NUDT3: variants seen among roughly 807,000 people sequenced by gnomAD.
NUDT3 encodes nudix hydrolase 3, also known as diphosphoinositol polyphosphate phosphohydrolase 1.
A neutral mutation model predicts 23.6 loss-of-function variants in NUDT3; 9 were observed. That is an observed-to-expected ratio of 0.38 (90% CI 0.23 to 0.66). The LOEUF (loss-of-function observed/expected upper bound fraction) is 0.66, where lower values mean the gene tolerates loss of function less well. Ranked by LOEUF, NUDT3 falls within the 30% of genes least tolerant of loss-of-function variation. The pLI is 0.52. For missense variants in NUDT3, 172 were observed against 218.5 expected (o/e 0.79, Z 1.34); for synonymous variants, 86 against 82.6 (o/e 1.04, Z -0.22).
chr6:34,308,627 T>A (rs200628205), intron 2 of NUDT3, among the ~76,000 whole-genome samples: 1 of 151,986 alleles, frequency 6.6e-6, no homozygotes, highest in Non-Finnish European at 1.5e-5. Flanking sequence ...ACTAATCAAA[T>A]GCAAGCAGGA....
chr6:34,351,215 A>AAAAAAAC (rs1764466725), intron 1 of NUDT3, among the ~76,000 whole-genome samples: 4 of 136,870 alleles, frequency 2.9e-5, no homozygotes, highest in Non-Finnish European at 6.3e-5. Context: ...AAAAAAAAAA[A>AAAAAAAC]AAAAAAAAAA....
chr6:34,364,813 C>T (rs1764701713), intron 1 of NUDT3, among the ~76,000 whole-genome samples: 1 of 151,816 alleles, frequency 6.6e-6, no homozygotes, highest in South Asian at 2.1e-4. Context: ...GCGGGCGGAT[C>T]ACGAGGTCAG....
At chr6:34,377,730 G>A (rs914955645) in intron 1 of NUDT3, among the ~76,000 whole-genome samples, 1 of 151,848 alleles carries the variant, frequency 6.6e-6, no homozygotes, top group Admixed American at 6.6e-5. Context: ...CTACTTGGGA[G>A]GCTGAGGCAT....
intron 2 of NUDT3, among the ~76,000 whole-genome samples, chr6:34,326,940 G>C (rs180741787): frequency 2.0e-5 from 3 of 152,058 alleles, no homozygotes; most frequent in Non-Finnish European, 2.9e-5. Context: ...GTGTGGAGAC[G>C]AGAGAGAGAT....
intron 1 of NUDT3, among the ~76,000 whole-genome samples, chr6:34,343,920 A>G (rs1764326112): frequency 6.6e-6 from 1 of 152,256 alleles, no homozygotes. Flanking sequence ...ATGGCTAATA[A>G]GCACATGAAA....
At chr6:34,316,691 C>T (rs994667338) in intron 2 of NUDT3, among the ~76,000 whole-genome samples, 1 of 152,100 alleles carries the variant, frequency 6.6e-6, no homozygotes, top group South Asian at 2.1e-4. Flanking sequence ...GCAGAGGGAA[C>T]AGCAATTACA....
intron 2 of NUDT3, among the ~76,000 whole-genome samples, chr6:34,298,866 C>G (rs553644973): frequency 5.9e-4 from 90 of 152,218 alleles, no homozygotes; most frequent in African/African-American, 2.0e-3. Context: ...ATAAATATTT[C>G]CCTATTTACC....
chr6:34,341,984 C>T lies in NUDT3; in HGVS notation c.100-12G>A. 6.2e-7 allele frequency: 1 copy of T among 1,609,166 alleles called. No individual in the cohort carries two copies. Among genetic ancestry groups the T allele is most frequent in the Non-Finnish European group, 8.5e-7 (1 of 1,177,540 alleles). The stretch of plus-strand genomic sequence containing the variant: ...CTCACGAGTAGCACCTGTTAAGTCA[C>T]AAAGGTTGCATGGGGGGGTTAAAAA... On this transcript the variant is annotated splice_polypyrimidine_tract_variant and intron_variant, in intron 1 of 4. Transcript: ENST00000607016.
Position 34,284,166 on chromosome 6 carries a change from C to G in NUDT3, c.*4587G>C, listed in dbSNP as rs1763309349. ...CAACTGGGCAGTCTGACCTCTTCCA[C>G]AGTCTTTAAGAAACAGAAGAGCCAT... On this transcript the variant is annotated 3_prime_UTR_variant, in exon 5 of 5. Transcript: ENST00000607016. 1 of 152,200 alleles carries G rather than the reference C, an allele frequency of 6.6e-6. No homozygotes were observed. The highest frequency in any genetic ancestry group is 1.5e-5 in the Non-Finnish European group (1 of 68,050). 9.4% of individuals were successfully genotyped at this position (152,200 alleles called of 1,614,324 possible).
intron 1 of NUDT3, among the ~76,000 whole-genome samples, chr6:34,373,659 A>G (rs1006208755): frequency 3.3e-5 from 5 of 152,184 alleles, no homozygotes; most frequent in Admixed American, 2.0e-4. Context: ...AAAAATATCC[A>G]TGTTTCTGAC....
At chr6:34,377,832 C>CAA (rs774757508) in intron 1 of NUDT3, among the ~76,000 whole-genome samples, 984 of 61,576 alleles carry the variant, frequency 0.016, 8 homozygotes, top group Middle Eastern at 0.058. Flanking sequence ...GACTCCGTCT[C>CAA]AAAAAAAAAA....
chr6:34,360,212 T>C (rs1250606009), intron 1 of NUDT3, among the ~76,000 whole-genome samples: 1 of 121,696 alleles, frequency 8.2e-6, no homozygotes, highest in African/African-American at 3.3e-5. Context: ...CACTCCAGCC[T>C]GGGAAACAGA....
chr6:34,322,057 C>T (rs1561906421), intron 2 of NUDT3, among the ~76,000 whole-genome samples: 1 of 152,064 alleles, frequency 6.6e-6, no homozygotes, highest in Non-Finnish European at 1.5e-5. Context: ...GGATGCCATA[C>T]GGAACAACGA....
chr6:34,307,682 T>C (rs1354574684), intron 2 of NUDT3, among the ~76,000 whole-genome samples: 1 of 151,952 alleles, frequency 6.6e-6, no homozygotes. Flanking sequence ...TGAAATAATA[T>C]AAGATGCTCA....
intron 2 of NUDT3, among the ~76,000 whole-genome samples, chr6:34,319,031 T>C (rs1763901166): frequency 6.9e-6 from 1 of 144,604 alleles, no homozygotes. Flanking sequence ...AAAACAGAGC[T>C]GGGACAGTAA....
At chr6:34,290,559 A>G (rs530860741) in intron 4 of NUDT3, among the ~76,000 whole-genome samples, 4 of 151,410 alleles carry the variant, frequency 2.6e-5, no homozygotes. Flanking sequence ...ATATTATGAA[A>G]AAAATATGAG....
rs1763263050 is a variant in NUDT3 at position 34,279,942 on chromosome 6, A to G, written c.*8811T>C. 1 of 152,250 alleles carries G rather than the reference A, an allele frequency of 6.6e-6. No individual in the cohort carries two copies. The highest frequency in any genetic ancestry group is 6.5e-5 in the Admixed American group (1 of 15,284). 9.4% of individuals were successfully genotyped at this position (152,250 alleles called of 1,614,324 possible). A position where few individuals can be genotyped will look rare whatever the true frequency, so the allele number is the denominator to read the frequency against. On this transcript the variant is annotated 3_prime_UTR_variant, in exon 5 of 5. Coordinates refer to ENST00000607016, the MANE Select transcript of NUDT3 (RefSeq NM_006703.4). ...ATTGCTGGTACCACATAAGGGATACATTAGTAAAGTAGGGAAAGGGTTATA... is the reference window on the plus strand; with the variant it reads ...ATTGCTGGTACCACATAAGGGATACGTTAGTAAAGTAGGGAAAGGGTTATA...
chr6:34,349,535 G>A (rs1287322660), intron 1 of NUDT3, among the ~76,000 whole-genome samples: 1 of 150,568 alleles, frequency 6.6e-6, no homozygotes, highest in Non-Finnish European at 1.5e-5. Flanking sequence ...TTATATGAAT[G>A]TGGGACTGGA....
intron 2 of NUDT3, among the ~76,000 whole-genome samples, chr6:34,327,572 TTAAC>T (rs1162589764): frequency 6.6e-6 from 1 of 151,616 alleles, no homozygotes; most frequent in Non-Finnish European, 1.5e-5. Flanking sequence ...TTTTAAGACT[TTAAC>T]TATTTCTTTT....
Sources: allele counts gnomAD v4.1 joint callset (sites outside exome capture counted in the v4.1 genomes callset), GRCh38; gene constraint gnomAD v4.1.1; transcripts MANE v1.5; gene names NCBI Gene and HGNC (gene_info 2026-07-23, HGNC 2026-07-21).